NBAS: variants seen among roughly 807,000 people sequenced by gnomAD.
NBAS encodes the protein NBAS subunit of NRZ tethering complex.
Under a neutral mutation model 302.5 loss-of-function variants are expected in NBAS, and 219 were observed. That is an observed-to-expected ratio of 0.72 (90% confidence interval 0.65 to 0.81). NBAS has a LOEUF of 0.81. Among genes scored for constraint, NBAS ranks in the 30% least tolerant of loss-of-function variants. NBAS has a pLI of 0.00. For missense variants in NBAS, 2,932 were observed against 2,841.6 expected (o/e 1.03, Z -0.72); for synonymous variants, 1,118 against 1,021.6 (o/e 1.09, Z -1.80).
intron 51 of NBAS, among the ~76,000 whole-genome samples, chr2:15,174,462 T>G (rs2125108010): frequency 6.6e-6 from 1 of 152,248 alleles, no homozygotes; most frequent in East Asian, 1.9e-4. Context: ...TAGGTTTCAT[T>G]TAGGAGGTGC....
At chr2:15,296,711 T>C (rs990390715) in intron 40 of NBAS, among the ~76,000 whole-genome samples, 2 of 152,056 alleles carry the variant, frequency 1.3e-5, no homozygotes, top group African/African-American at 4.8e-5. Context: ...TAATGGTGCA[T>C]GCCTGTAGTC....
chr2:15,170,053 T>A (rs1664221305), intron 51 of NBAS, among the ~76,000 whole-genome samples: 1 of 152,240 alleles, frequency 6.6e-6, no homozygotes, highest in African/African-American at 2.4e-5. Context: ...ATACTTTCTT[T>A]GTTGCCCTGA....
chr2:15,237,560 ATATTTATTTATTTATT>A (rs35617829), intron 45 of NBAS, among the ~76,000 whole-genome samples: 7,514 of 139,914 alleles, frequency 0.054, 244 homozygotes, highest in East Asian at 0.13. Context: ...GAAAATCAAA[ATATTTATTTATTTATT>A]TATTTATTTA....
At position 15,359,516 on chromosome 2, in the gene NBAS, C is replaced by T. The variant is rs183148436; in HGVS notation, c.3818-3100G>A. ...CTAAAAATATACAAGAAAAATTCAG[C>T]TCATGTTAAAAGATCTAAAATTATT... is the stretch of plus-strand genomic sequence containing the variant. On this transcript the variant is annotated intron_variant, in intron 32 of 51. Coordinates refer to ENST00000281513, the MANE Select transcript of NBAS (RefSeq NM_015909.4). Among the ~76,000 whole-genome samples, 61 of 152,076 alleles carry T rather than the reference C, an allele frequency of 4.0e-4. 1 individual carries two copies. The highest frequency in any genetic ancestry group is 2.3e-3 in the Admixed American group (35 of 15,272).
rs562339955 is a variant in NBAS at position 15,384,494 on chromosome 2, A to C, written c.3258-1177T>G. 1.2e-4 allele frequency among the ~76,000 whole-genome samples: 18 copies of C among 150,456 alleles called. No individual in the cohort carries two copies. In the East Asian group the frequency reaches 3.5e-3, roughly 29 times the overall value. On this transcript the variant is annotated intron_variant, in intron 28 of 51. Transcript: ENST00000281513. ...TAGATTCCCTTTTTGTATAGCATAAAGATTAACTTATACTAAAATATATGA... is the reference window on the plus strand; with the variant it reads ...TAGATTCCCTTTTTGTATAGCATAACGATTAACTTATACTAAAATATATGA...
intron 35 of NBAS, among the ~76,000 whole-genome samples, chr2:15,338,999 A>G (rs1263362291): frequency 2.6e-5 from 4 of 152,166 alleles, no homozygotes; most frequent in African/African-American, 9.7e-5. Context: ...TTGGTGACAC[A>G]GCCAAACCCT....
chr2:14,893,060 T>C, the NBAS span, among the ~76,000 whole-genome samples: 1 of 152,224 alleles, frequency 6.6e-6, no homozygotes, highest in Non-Finnish European at 1.5e-5. Context: ...TAAATATTTA[T>C]TGATTATTAA....
In NBAS at chr2:15,526,722, T is replaced by C. The variant is rs142097696; in HGVS notation, c.746+7821A>G. On this transcript the variant is annotated intron_variant, in intron 9 of 51. Coordinates refer to ENST00000281513, the MANE Select transcript of NBAS (RefSeq NM_015909.4). ...ACTGACTGCCACCAAGAGATGTAAA[T>C]GATTGTACAACCAACAAAAGGTCCT... Among the ~76,000 whole-genome samples the C allele has an allele frequency of 2.1e-3, 317 of 152,206 alleles. 3 individuals carry two copies. The highest frequency in any genetic ancestry group is 7.4e-3 in the African/African-American group (307 of 41,532).
the NBAS span, among the ~76,000 whole-genome samples, chr2:14,788,708 C>T: frequency 3.4e-4 from 51 of 152,184 alleles, no homozygotes; most frequent in East Asian, 1.9e-3. Context: ...AGTACCTGGC[C>T]GTGTGAGGTG....
chr2:15,446,792 C>A (rs146704769), intron 21 of NBAS, among the ~76,000 whole-genome samples: 1 of 151,514 alleles, frequency 6.6e-6, no homozygotes, highest in East Asian at 1.9e-4. Context: ...ATTTTAAGTT[C>A]TTACATTATA....
intron 49 of NBAS, among the ~76,000 whole-genome samples, chr2:15,188,352 C>T (rs763608144): frequency 7.9e-5 from 12 of 152,182 alleles, no homozygotes; most frequent in East Asian, 1.9e-4. Flanking sequence ...CACTATCCTC[C>T]CTCTCTTCCA....
the NBAS span, among the ~76,000 whole-genome samples, chr2:14,959,743 T>C: frequency 6.6e-6 from 1 of 152,216 alleles, no homozygotes; most frequent in South Asian, 2.1e-4. Flanking sequence ...CCATATGACA[T>C]GTTCCATCTT....
chr2:14,802,562 T>C, the NBAS span, among the ~76,000 whole-genome samples: 1 of 152,006 alleles, frequency 6.6e-6, no homozygotes, highest in Non-Finnish European at 1.5e-5. Flanking sequence ...TGACTATAAA[T>C]CATGCTGCTA....
the NBAS span, among the ~76,000 whole-genome samples, chr2:14,903,559 TGAAAA>T: frequency 1.3e-5 from 2 of 152,080 alleles, no homozygotes. Flanking sequence ...CTGAAATGCA[TGAAAA>T]GAAAACAATA....
At chr2:15,432,342 T>A (rs1677807033) in intron 21 of NBAS, among the ~76,000 whole-genome samples, 1 of 152,072 alleles carries the variant, frequency 6.6e-6, no homozygotes, top group Non-Finnish European at 1.5e-5. Flanking sequence ...TGGCTGCTTT[T>A]ACTTAATTTT....
At chr2:14,981,327 T>C in the NBAS span, among the ~76,000 whole-genome samples, 4 of 152,110 alleles carry the variant, frequency 2.6e-5, no homozygotes, top group Admixed American at 6.5e-5. Flanking sequence ...CCTTCAAAAG[T>C]AAAAGAAAAT....
At chr2:15,147,698 C>T in the NBAS span, among the ~76,000 whole-genome samples, 1 of 152,062 alleles carries the variant, frequency 6.6e-6, no homozygotes, top group East Asian at 1.9e-4. Flanking sequence ...AGGCAATTGC[C>T]CCCTTTCTGC....
At chr2:15,160,509 C>A in the NBAS span, among the ~76,000 whole-genome samples, 1 of 147,488 alleles carries the variant, frequency 6.8e-6, no homozygotes, top group African/African-American at 2.5e-5. Context: ...GCACCAGGAA[C>A]AAGCTGCTTT....
intron 32 of NBAS, among the ~76,000 whole-genome samples, chr2:15,363,083 A>AG (rs1674017684): frequency 6.6e-6 from 1 of 152,318 alleles, no homozygotes; most frequent in East Asian, 1.9e-4. Context: ...AAAAACAGTC[A>AG]GAAAAAAAAG....
Sources: gnomAD v4.1 joint callset for allele counts (sites outside exome capture counted in the v4.1 genomes callset) on GRCh38, gnomAD v4.1.1 for gene constraint, MANE v1.5 for transcripts, NCBI Gene and HGNC (gene_info 2026-07-23, HGNC 2026-07-21) for gene names.